WWOX: variants seen among roughly 807,000 people sequenced by gnomAD.
WWOX encodes WW domain containing oxidoreductase, also known as WW domain-containing oxidoreductase.
Under a neutral mutation model 46.2 loss-of-function variants are expected in WWOX, and 69 were observed. That is an observed-to-expected ratio of 1.49 (90% CI 1.23 to 1.82). WWOX has a LOEUF of 1.82. Among genes scored for constraint, WWOX ranks in the 40% most tolerant of loss-of-function variants. WWOX has a pLI of 0.00. For missense variants in WWOX, 919 were observed against 542.6 expected, an observed-to-expected ratio of 1.69 and a Z score of -6.89; for synonymous variants, 359 against 202.6, an observed-to-expected ratio of 1.77 and a Z score of -6.56.
intron 8 of WWOX, among the ~76,000 whole-genome samples, chr16:79,102,629 A>G (rs2049224331): frequency 6.6e-6 from 1 of 152,194 alleles, no homozygotes; most frequent in Non-Finnish European, 1.5e-5. Flanking sequence ...ATTAAACAAG[A>G]AACATATATA....
intron 7 of WWOX, among the ~76,000 whole-genome samples, chr16:78,431,147 G>C (rs908514101): frequency 3.3e-5 from 5 of 152,172 alleles, no homozygotes; most frequent in African/African-American, 1.2e-4. Context: ...AAGAGAAAGA[G>C]ACAAACGGAA....
intron 8 of WWOX, among the ~76,000 whole-genome samples, chr16:78,764,477 G>C (rs1430563251): frequency 3.4e-5 from 5 of 148,258 alleles, no homozygotes; most frequent in Non-Finnish European, 1.5e-5. Context: ...AATTAAGACT[G>C]TTTTCATCCA....
intron 5 of WWOX, chr16:78,167,276 T>A (rs2035004780): frequency 6.6e-6 from 1 of 152,220 alleles, no homozygotes; most frequent in Non-Finnish European, 1.5e-5. Context: ...TCTGGATCTA[T>A]TTGGAGCCTG....
At chr16:79,201,605 C>T (rs1167230178) in intron 8 of WWOX, among the ~76,000 whole-genome samples, 1 of 152,160 alleles carries the variant, frequency 6.6e-6, no homozygotes, top group African/African-American at 2.4e-5. Context: ...AAAACATCTT[C>T]AAACGCAAAC....
intron 8 of WWOX, among the ~76,000 whole-genome samples, chr16:78,951,343 TC>T (rs1385523197): frequency 2.3e-4 from 1 of 4,292 alleles, no homozygotes; most frequent in East Asian, 0.17. Flanking sequence ...TCCTATAGCT[TC>T]AAGCAAGAGT....
At chr16:78,915,985 C>G (rs540459891) in intron 8 of WWOX, among the ~76,000 whole-genome samples, 2 of 152,288 alleles carry the variant, frequency 1.3e-5, no homozygotes, top group South Asian at 2.1e-4. Context: ...AGTGGGGCCT[C>G]AGATTTCCCA....
At chr16:78,446,694 C>A (rs1462631861) in intron 8 of WWOX, among the ~76,000 whole-genome samples, 1 of 124,340 alleles carries the variant, frequency 8.0e-6, no homozygotes, top group East Asian at 2.4e-4. Context: ...GGTGGAATCT[C>A]CTGTCTCCCA....
chr16:78,442,251 A>G (rs760925188), intron 8 of WWOX, among the ~76,000 whole-genome samples: 4 of 152,148 alleles, frequency 2.6e-5, no homozygotes, highest in Admixed American at 6.5e-5. Context: ...GTCAACTTAC[A>G]TAGCTATCAT....
chr16:78,596,772 C>A (rs1474232439), intron 8 of WWOX, among the ~76,000 whole-genome samples: 1 of 151,488 alleles, frequency 6.6e-6, no homozygotes, highest in East Asian at 1.9e-4. Context: ...GAGTACACAG[C>A]CATGAAAATA....
chr16:78,393,518 G>A (rs999624318), intron 6 of WWOX, among the ~76,000 whole-genome samples: 8 of 152,210 alleles, frequency 5.3e-5, no homozygotes, highest in Middle Eastern at 3.4e-3. Context: ...TTTAAAAAAC[G>A]GTTTGTAGGT....
At chr16:78,367,067 C>A (rs536034177) in intron 5 of WWOX, among the ~76,000 whole-genome samples, 1 of 149,278 alleles carries the variant, frequency 6.7e-6, no homozygotes, top group South Asian at 2.1e-4. Flanking sequence ...GCAAGCTCTG[C>A]CTCCCAGGTT....
At chr16:78,402,814 C>T (rs890713070) in intron 6 of WWOX, among the ~76,000 whole-genome samples, 4 of 152,180 alleles carry the variant, frequency 2.6e-5, no homozygotes, top group Non-Finnish European at 4.4e-5. Flanking sequence ...TCTAACCAAT[C>T]AGTGCTGGCT....
chr16:79,057,753 T>C (rs1416925085), intron 8 of WWOX, among the ~76,000 whole-genome samples: 2 of 152,160 alleles, frequency 1.3e-5, no homozygotes, highest in Middle Eastern at 3.4e-3. Flanking sequence ...ACATAGGTGG[T>C]CAAGAATTTA....
intron 8 of WWOX, among the ~76,000 whole-genome samples, chr16:78,991,709 A>C (rs1315646672): frequency 2.6e-5 from 4 of 151,900 alleles, no homozygotes; most frequent in Non-Finnish European, 5.9e-5. Context: ...AACGCAAGCC[A>C]TAAGGTTAAC....
chr16:78,817,050 G>A (rs910380770), intron 8 of WWOX, among the ~76,000 whole-genome samples: 3 of 151,860 alleles, frequency 2.0e-5, no homozygotes, highest in African/African-American at 4.8e-5. Context: ...TCTGAAGTAC[G>A]TTTGTGGAAA....
chr16:78,888,454 C>G (rs2044515264), intron 8 of WWOX, among the ~76,000 whole-genome samples: 1 of 152,168 alleles, frequency 6.6e-6, no homozygotes, highest in Non-Finnish European at 1.5e-5. Context: ...TTTCTCACAT[C>G]CTGAGGTCCA....
At chr16:78,689,959 C>T (rs919311980) in intron 8 of WWOX, among the ~76,000 whole-genome samples, 1 of 152,108 alleles carries the variant, frequency 6.6e-6, no homozygotes, top group African/African-American at 2.4e-5. Flanking sequence ...CTCGCAGGCT[C>T]AAATGATTCT....
At chr16:78,482,995 A>G (rs528783535) in intron 8 of WWOX, among the ~76,000 whole-genome samples, 1 of 152,268 alleles carries the variant, frequency 6.6e-6, no homozygotes, top group South Asian at 2.1e-4. Flanking sequence ...GCCCACTTTA[A>G]GAAAAGGAGT....
chr16:78,403,999 C>T (rs1251575109), intron 6 of WWOX, among the ~76,000 whole-genome samples: 2 of 152,112 alleles, frequency 1.3e-5, no homozygotes, highest in African/African-American at 2.4e-5. Flanking sequence ...TTTTTTAAAA[C>T]TGAAAATCAG....
Sources: allele counts gnomAD v4.1 joint callset (sites outside exome capture counted in the v4.1 genomes callset), GRCh38; gene constraint gnomAD v4.1.1; transcripts MANE v1.5; gene names NCBI Gene and HGNC (gene_info 2026-07-23, HGNC 2026-07-21).